The following RUNX1 variants were observed in gnomAD, a reference collection of about 807,000 sequenced individuals.
RUNX1 encodes the protein runt-related transcription factor 1.
RUNX1 carries 19 observed loss-of-function variants against 42.8 expected under a neutral mutation model. That is an observed-to-expected ratio of 0.44 (90% CI 0.31 to 0.65). RUNX1 has a LOEUF of 0.65. RUNX1 is among the 30% of genes least tolerant of loss of function. The pLI, the probability that RUNX1 is intolerant of heterozygous loss-of-function variation, is 0.07. For synonymous variants in RUNX1, 271 were observed against 289.4 expected (o/e 0.94, Z 0.64); for missense variants, 528 against 672.0 (o/e 0.79, Z 2.37).
At chr21:34,997,287 C>A (rs762730825) in intron 2 of RUNX1, among the ~76,000 whole-genome samples, 19 of 152,184 alleles carry the variant, frequency 1.2e-4, no homozygotes, top group Non-Finnish European at 2.1e-4. Flanking sequence ...GAGTCTTAAT[C>A]CCAAACCTGA....
chr21:34,942,447 A>T (rs969199284), intron 2 of RUNX1, among the ~76,000 whole-genome samples: 1 of 152,190 alleles, frequency 6.6e-6, no homozygotes, highest in African/African-American at 2.4e-5. Context: ...CTTGACCGTC[A>T]TTCACCATTT....
In RUNX1 at chr21:34,888,592, C is replaced by G; in HGVS notation, c.98-1496G>C. 4 of 1,060,416 alleles carry G rather than the reference C, an allele frequency of 3.8e-6. No individual in the cohort carries two copies. In the South Asian group the frequency reaches 1.8e-4, roughly 48 times the overall value. 65.7% of individuals were successfully genotyped at this position (1,060,416 alleles called of 1,614,324 possible). ...CTTCCTTCTGGCGTCCCTAGGAGCC[C>G]CGGAAAGAAGTGCCTGGCGGCGCAG... On this transcript the variant is annotated intron_variant, in intron 3 of 8. Transcript: ENST00000675419.
intron 7 of RUNX1, 144 bp from the exon 8 acceptor site, chr21:34,799,606 A>G: frequency 7.4e-6 from 5 of 674,706 alleles, no homozygotes; most frequent in Non-Finnish European, 1.3e-5. Flanking sequence ...AGCCTACTCA[A>G]GTCCAAGTAT....
rs547940281 is a variant in RUNX1 at position 34,830,962 on chromosome 21, A to G, written c.805+3448T>C. 2.0e-5 allele frequency among the ~76,000 whole-genome samples: 3 copies of G among 152,278 alleles called. No homozygotes were observed. In the East Asian group the frequency reaches 5.8e-4, roughly 29 times the overall value. Reference sequence around the variant, plus strand: ...TTCCCAGAAAGGAGGAAATTACGACACCTTAAATGTGATACATCATATTTG... The same window carrying G: ...TTCCCAGAAAGGAGGAAATTACGACGCCTTAAATGTGATACATCATATTTG... On this transcript the variant is annotated intron_variant, in intron 7 of 8. Coordinates refer to ENST00000675419, the MANE Select transcript of RUNX1 (RefSeq NM_001754.5).
Position 34,799,293 on chromosome 21 carries a change from T to A in RUNX1, c.967+8A>T, listed in dbSNP as rs113054726. On this transcript the variant is annotated splice_region_variant and intron_variant, in intron 8 of 8. Transcript: ENST00000675419. ...CAGCTGCAAAGAATGTGTTTTCAAG[T>A]GGCTTACTTGAGAGTCGACTGGAAA... The A allele has an allele frequency of 2.8e-5, 45 of 1,614,036 alleles. No individual in the cohort carries two copies. The African/African-American group carries it at 4.3e-4, about 15-fold the overall frequency.
At position 34,795,828 on chromosome 21, in the gene RUNX1, TAG is replaced by T. The variant is rs562333324; in HGVS notation, c.968-3220_968-3219del. Among the ~76,000 whole-genome samples the T allele has an allele frequency of 3.1e-4, 47 of 152,316 alleles. No homozygotes were observed. The South Asian group carries it at 9.1e-3, about 30-fold the overall frequency. ...TACTCCATTTTTCCATTTAGATTTA[TAG>T]AGTCTACGGAGAAGCTGGGACAGGA... On this transcript the variant is annotated intron_variant, in intron 8 of 8. Transcript: ENST00000675419.
chr21:34,883,613 C>T (rs1031279989), intron 4 of RUNX1, among the ~76,000 whole-genome samples: 2 of 152,082 alleles, frequency 1.3e-5, no homozygotes, highest in Non-Finnish European at 2.9e-5. Flanking sequence ...TTAACACAGA[C>T]CAAACAGGCA....
chr21:35,034,851 G>A (rs1035326730), intron 2 of RUNX1, among the ~76,000 whole-genome samples: 5 of 152,158 alleles, frequency 3.3e-5, no homozygotes, highest in East Asian at 1.9e-4. Flanking sequence ...CATTTTACCC[G>A]AGAGATGTAC....
rs1160788041 is a variant in RUNX1 at position 34,891,280 on chromosome 21, GA to G, written c.97+1644del. On this transcript the variant is annotated intron_variant, in intron 3 of 8. Transcript: ENST00000675419. ...GTTTCAACCGATAAACCCCGAGTTT[GA>G]AGCCCGACAAAAAGCTGATAGCAAT... 4.6e-5 allele frequency among the ~76,000 whole-genome samples: 7 copies of G among 152,330 alleles called. No homozygotes were observed. In the East Asian group the frequency reaches 1.4e-3, roughly 29 times the overall value.
chr21:35,016,907 C>A (rs2059162975), intron 2 of RUNX1, among the ~76,000 whole-genome samples: 1 of 145,844 alleles, frequency 6.9e-6, no homozygotes, highest in African/African-American at 2.5e-5. Flanking sequence ...GTGTGTGTAG[C>A]TGATACAGAG....
chr21:34,992,674 T>TAAA (rs71196923), intron 2 of RUNX1, among the ~76,000 whole-genome samples: 25 of 129,578 alleles, frequency 1.9e-4, no homozygotes, highest in Middle Eastern at 3.7e-3. Flanking sequence ...ATTACAAATA[T>TAAA]AAAAAAAAAA....
chr21:34,812,449 GT>G (rs754176913), intron 7 of RUNX1, among the ~76,000 whole-genome samples: 62 of 152,130 alleles, frequency 4.1e-4, no homozygotes, highest in Non-Finnish European at 7.2e-4. Context: ...CTCATCCCTG[GT>G]GCTCTGAACA....
intron 2 of RUNX1, among the ~76,000 whole-genome samples, chr21:35,047,549 A>ACTCTCTCTCTCTCTCTCTCT (rs1262198638): frequency 2.8e-5 from 3 of 107,738 alleles, no homozygotes; most frequent in East Asian, 2.9e-4. Flanking sequence ...ACACACACAC[A>ACTCTCTCTCTCTCTCTCTCT]CACACACACA....
intron 6 of RUNX1, among the ~76,000 whole-genome samples, chr21:34,848,513 C>A (rs555836698): frequency 5.3e-5 from 8 of 152,370 alleles, no homozygotes; most frequent in South Asian, 2.1e-4. Flanking sequence ...CGGCTCACAG[C>A]AACCTCTGCC....
At chr21:34,962,608 A>AT (rs1457945057) in intron 2 of RUNX1, among the ~76,000 whole-genome samples, 2 of 152,170 alleles carry the variant, frequency 1.3e-5, no homozygotes, top group Admixed American at 1.3e-4. Context: ...CCACCCTGGC[A>AT]TTTTGAGGCT....
At position 34,791,889 on chromosome 21, in the gene RUNX1, G is replaced by A; in HGVS notation, c.*246C>T. The A allele has an allele frequency of 3.7e-6, 1 of 273,900 alleles. No homozygotes were observed. Among genetic ancestry groups the A allele is most frequent in the Non-Finnish European group, 7.0e-6 (1 of 142,316 alleles). 17.0% of individuals were successfully genotyped at this position (273,900 alleles called of 1,614,324 possible). On this transcript the variant is annotated 3_prime_UTR_variant, in exon 9 of 9. Transcript: ENST00000675419. ...TGGGGCCGGCGGACACCCTCGAGGTGCGTCGCCTCGGACACCTCCGCGAGG... is the reference window on the plus strand; with the variant it reads ...TGGGGCCGGCGGACACCCTCGAGGTACGTCGCCTCGGACACCTCCGCGAGG...
chr21:34,952,224 C>T (rs889720111), intron 2 of RUNX1, among the ~76,000 whole-genome samples: 3 of 151,928 alleles, frequency 2.0e-5, no homozygotes, highest in African/African-American at 2.4e-5. Context: ...CGGGGCCTGT[C>T]GGGGGATGGG....
chr21:34,980,319 G>A (rs1385270028), intron 2 of RUNX1, among the ~76,000 whole-genome samples: 1 of 152,158 alleles, frequency 6.6e-6, no homozygotes, highest in Non-Finnish European at 1.5e-5. Flanking sequence ...ATTCACCAAC[G>A]CAGGCCAGTG....
chr21:34,954,417 G>A (rs1038157698), intron 2 of RUNX1, among the ~76,000 whole-genome samples: 25 of 152,168 alleles, frequency 1.6e-4, no homozygotes, highest in African/African-American at 5.3e-4. Context: ...GGCTGGAGCA[G>A]AGCCTCAAAG....
Sources: allele counts gnomAD v4.1 joint callset (sites outside exome capture counted in the v4.1 genomes callset), GRCh38; gene constraint gnomAD v4.1.1; transcripts MANE v1.5; gene names NCBI Gene and HGNC (gene_info 2026-07-23, HGNC 2026-07-21).